The following DMBT1 variants were observed in gnomAD, a reference collection of about 807,000 sequenced individuals.
DMBT1 encodes scavenger receptor cysteine-rich domain-containing protein DMBT1.
Under a neutral mutation model 252.9 loss-of-function variants are expected in DMBT1, and 198 were observed. The ratio of observed to expected loss-of-function variants is 0.78; its 90% CI spans 0.70 to 0.88. DMBT1 has a LOEUF of 0.88. DMBT1 is among the 40% of genes least tolerant of loss of function. The probability of loss-of-function intolerance (pLI) is 0.00; values close to 1 mark genes in which losing one functional copy is unlikely to be tolerated. For synonymous variants in DMBT1, 990 were observed against 942.7 expected (o/e 1.05, Z -0.92); for missense variants, 2,432 against 2,404.7 (o/e 1.01, Z -0.24).
intron 26 of DMBT1, 49 bp downstream of exon 26, chr10:122,599,146 C>T (rs756126213): frequency 6.2e-7 from 1 of 1,613,158 alleles, no homozygotes; most frequent in South Asian, 1.1e-5. Flanking sequence ...GAGTTTGCTC[C>T]AGAAGAAACT....
chr10:122,631,779 G>T, intron 49 of DMBT1, 76 bp from the exon 50 acceptor site: 1 of 1,534,662 alleles, frequency 6.5e-7, no homozygotes, highest in South Asian at 1.1e-5. Flanking sequence ...CCATGTAAGT[G>T]TATCTCTGTC....
rs779346128 is a variant in DMBT1, at chr10:122,598,868, G to A, written c.3051G>A (p.Val1017=). Reference sequence around the variant, plus strand: ...TATACCAAGGCTCCTGGGGCACCGTGTGCGATGACAGCTGGGACACCAATG... The same window carrying A: ...TATACCAAGGCTCCTGGGGCACCGTATGCGATGACAGCTGGGACACCAATG... ...EVLYQGSWGT[V]CDDSWDTNDA... is the part of the protein sequence containing the mutation. The change falls in exon 26 of 56, where the codon GTG becomes GTA. Residue 1017 remains valine (V), a synonymous_variant. Transcript: ENST00000338354. The A allele has an allele frequency of 1.2e-6, 2 of 1,613,822 alleles. No homozygotes were observed. The highest frequency in any genetic ancestry group is 2.7e-5 in the African/African-American group (2 of 75,050).
In DMBT1 at chr10:122,640,031, C is replaced by T; in HGVS notation, c.6943-9C>T. The T allele has an allele frequency of 6.2e-7, 1 of 1,609,702 alleles. No individual in the cohort carries two copies. The highest frequency in any genetic ancestry group is 8.5e-7 in the Non-Finnish European group (1 of 1,176,732). On this transcript the variant is annotated splice_polypyrimidine_tract_variant and intron_variant, in intron 54 of 55. Transcript: ENST00000338354. The stretch of plus-strand genomic sequence containing the variant: ...TGCCTGACTCTGCTCTCTTGCCTGC[C>T]TCTCCTAGGCAGACAATGACACCAT...
At chr10:122,561,954 C>CCT (rs549423455) in intron 1 of DMBT1, among the ~76,000 whole-genome samples, 3 of 150,716 alleles carry the variant, frequency 2.0e-5, no homozygotes, top group African/African-American at 4.9e-5. Context: ...TATCACCTTT[C>CCT]CTCTCTCTCT....
At position 122,592,493 on chromosome 10, in the gene DMBT1, G is replaced by A. The variant is rs1308522345; in HGVS notation, c.2398G>A (p.Val800Met). The A allele has an allele frequency of 2.5e-6, 4 of 1,588,144 alleles. No individual in the cohort carries two copies. Among genetic ancestry groups the A allele is most frequent in the Non-Finnish European group, 3.4e-6 (4 of 1,165,636 alleles). ...QGSGPIVLDD[V>M]RCSGHESYLW... Reference sequence around the variant, plus strand: ...CTCAGGACCCATTGTTCTGGATGATGTGCGCTGCTCAGGACACGAGTCCTA... The same window carrying A: ...CTCAGGACCCATTGTTCTGGATGATATGCGCTGCTCAGGACACGAGTCCTA... The change falls in exon 20 of 56, where the codon GTG becomes ATG. Residue 800 changes from valine to methionine, a missense_variant. Val to Met is a conservative substitution (Grantham distance 21). This residue lies in a region of DMBT1 where 1,264 missense variants were observed against 1,082.2 expected (regional missense o/e 1.17). Coordinates refer to ENST00000338354, the MANE Select transcript of DMBT1 (RefSeq NM_001377530.1).
At chr10:122,631,765 T>G in intron 49 of DMBT1, 90 bp from the exon 50 acceptor site, 1 of 1,462,008 alleles carries the variant, frequency 6.8e-7, no homozygotes, top group Middle Eastern at 1.7e-4. Flanking sequence ...GGTCAGGTTA[T>G]GGGCCATGTA....
chr10:122,592,663 C>T lies in DMBT1; in HGVS notation c.2500+68C>T. 6 of 1,576,028 alleles carry T rather than the reference C, an allele frequency of 3.8e-6. 1 individual carries two copies. The highest frequency in any genetic ancestry group is 2.3e-5 in the East Asian group (1 of 42,608). ...TTGCTCAGGAAGAAAATCCTAATTA[C>T]ATTCTGATCTCCTCACTCAAAGATT... On this transcript the variant is annotated intron_variant, in intron 20 of 55. Transcript: ENST00000338354.
At chr10:122,573,794 T>G (rs779212979) in intron 6 of DMBT1, 32 bp downstream of exon 6, 8 of 1,607,132 alleles carry the variant, frequency 5.0e-6, no homozygotes, top group Admixed American at 3.3e-5. Flanking sequence ...CCCTGTAGGC[T>G]CATTACCCCC....
rs779978408 is a variant in DMBT1 at position 122,621,100 on chromosome 10, C to T, written c.5328C>T (p.Asp1776=). Residue 1776 remains aspartate, a synonymous_variant, in exon 44 of 56, where the codon GAC becomes GAT. Coordinates refer to ENST00000338354, the MANE Select transcript of DMBT1 (RefSeq NM_001377530.1). ...SLALRLVNGG[D]RCRGRVEVLY... ...CTCTGAGGCTGGTGAATGGAGGTGA[C>T]AGGTGTCGAGGCCGAGTGGAGGTCC... is the stretch of plus-strand genomic sequence containing the variant. 22 of 1,613,568 alleles carry T rather than the reference C, an allele frequency of 1.4e-5. No individual in the cohort carries two copies. Among genetic ancestry groups the T allele is most frequent in the Non-Finnish European group, 1.9e-5 (22 of 1,179,738 alleles).
chr10:122,643,221 CG>C lies in DMBT1; in HGVS notation c.7453del (p.Val2485CysfsTer25). 6.2e-7 allele frequency: 1 copy of C among 1,613,966 alleles called. No homozygotes were observed. Among genetic ancestry groups the C allele is most frequent in the Non-Finnish European group, 8.5e-7 (1 of 1,179,886 alleles). On this transcript the variant is annotated frameshift_variant, in exon 56 of 56. Transcript: ENST00000338354. LOFTEE classifies it low-confidence loss of function (END_TRUNC). The stretch of plus-strand genomic sequence containing the variant: ...TCCACTTCCTGAACCGCTTCCCCTC[CG>C]TGTACCTGCGTTGTAAAATGGTGGT... ...AFHFLNRFPS[V>X]YLRCKMVVCR...
In DMBT1 at chr10:122,592,430, G is replaced by A. The variant is rs1165937836; in HGVS notation, c.2335G>A (p.Ala779Thr). 3.1e-6 allele frequency: 5 copies of A among 1,588,340 alleles called. No individual in the cohort carries two copies. In the Middle Eastern group the frequency reaches 5.0e-4, roughly 159 times the overall value. The change falls in exon 20 of 56, where the codon GCC becomes ACC. Residue 779 changes from alanine to threonine, a missense_variant. Physicochemically the swap from Ala to Thr is moderately conservative, Grantham distance 58. Transcript: ENST00000338354. The stretch of plus-strand genomic sequence containing the variant: ...CTGCAGGCAGCTGGGCTGTGGCTGG[G>A]CCACGTCGGCCCCAGGAAATGCCCG... ...VVCRQLGCGWATSAPGNARFG... is the reference protein window; with the variant it reads ...VVCRQLGCGWTTSAPGNARFG...
At chr10:122,569,547 A>G (rs1387278683) in intron 2 of DMBT1, among the ~76,000 whole-genome samples, 1 of 152,130 alleles carries the variant, frequency 6.6e-6, no homozygotes, top group African/African-American at 2.4e-5. Flanking sequence ...TTCCCCAAAG[A>G]GGAGTTTGTG....
chr10:122,632,546 G>A (rs545167876), intron 50 of DMBT1, among the ~76,000 whole-genome samples: 1 of 151,958 alleles, frequency 6.6e-6, no homozygotes, highest in Non-Finnish European at 1.5e-5. Flanking sequence ...CTCTGCCTGG[G>A]ACACCCCGTT....
chr10:122,590,587 G>A (rs2097841951), intron 17 of DMBT1, 78 bp from the exon 18 acceptor site: 1 of 1,517,828 alleles, frequency 6.6e-7, no homozygotes, highest in African/African-American at 1.4e-5. Context: ...GGCGCTACCA[G>A]TTTAGTTCCT....
At chr10:122,621,910 A>G (rs79831257) in intron 44 of DMBT1, among the ~76,000 whole-genome samples, 3,657 of 152,248 alleles carry the variant, frequency 0.024, 128 homozygotes, top group East Asian at 0.13. Context: ...CTTCCAAAGA[A>G]CTGCAGTGCA....
chr10:122,598,489 C>A (rs1477396797), intron 25 of DMBT1, among the ~76,000 whole-genome samples: 1 of 152,184 alleles, frequency 6.6e-6, no homozygotes, highest in Admixed American at 6.5e-5. Context: ...CTGTGTAGCT[C>A]TGTCCTGTGT....
rs1168580515 is a variant in DMBT1 at position 122,633,324 on chromosome 10, G to A, written c.6531G>A (p.Val2177=). Residue 2177 remains valine (V), a synonymous_variant, in exon 52 of 56, where the codon GTG becomes GTA. Transcript: ENST00000338354. ...IEVQNNYRVT[V]IFRDVQLEGG... is the part of the protein sequence containing the mutation. ...TGCAAAACAACTACCGTGTGACTGT[G>A]ATCTTCAGAGATGTCCAGTAAGTGT... The A allele has an allele frequency of 6.2e-7, 1 of 1,613,936 alleles. No individual in the cohort carries two copies. Among genetic ancestry groups the A allele is most frequent in the Admixed American group, 1.7e-5 (1 of 60,016 alleles).
rs1399796014 is a variant in DMBT1 at position 122,589,090 on chromosome 10, G to A, written c.1930G>A (p.Gly644Ser). 4 of 1,588,726 alleles carry A rather than the reference G, an allele frequency of 2.5e-6. 1 individual carries two copies. The highest frequency in any genetic ancestry group is 3.4e-6 in the Non-Finnish European group (4 of 1,165,890). Residue 644 changes from glycine to serine, a missense_variant, in exon 17 of 56, where the codon GGC becomes AGC. Coordinates refer to ENST00000338354, the MANE Select transcript of DMBT1 (RefSeq NM_001377530.1). ...NDANVVCRQLGCGWATSAPGN... is the reference protein window; with the variant it reads ...NDANVVCRQLSCGWATSAPGN... ...TGCCAATGTGGTCTGCAGGCAGCTG[G>A]GCTGTGGCTGGGCCACGTCAGCCCC...
chr10:122,577,959 C>T (rs1041165219), intron 8 of DMBT1, 119 bp downstream of exon 8: 2 of 1,136,630 alleles, frequency 1.8e-6, no homozygotes, highest in East Asian at 2.4e-5. Flanking sequence ...TATTTCACCC[C>T]CAACTCTGTA....
Sources: gnomAD v4.1 joint callset for allele counts (sites outside exome capture counted in the v4.1 genomes callset) on GRCh38, gnomAD v4.1.1 for gene constraint, gnomAD v4.1.1 regional missense constraint, MANE v1.5 for transcripts, NCBI Gene and HGNC (gene_info 2026-07-23, HGNC 2026-07-21) for gene names.